The following SORCS2 variants were observed in gnomAD, a reference collection of about 807,000 sequenced individuals.
The protein encoded by SORCS2 is sortilin related VPS10 domain containing receptor 2.
A neutral mutation model predicts 141.6 loss-of-function variants in SORCS2; 100 were observed. That is an observed-to-expected ratio of 0.71 (90% CI 0.60 to 0.83). The LOEUF (loss-of-function observed/expected upper bound fraction) is 0.83. Among genes scored for constraint, SORCS2 ranks in the 40% least tolerant of loss-of-function variants. SORCS2 has a pLI of 0.00. For synonymous variants in SORCS2, 789 were observed against 676.9 expected (o/e 1.17, Z -2.57); for missense variants, 1,646 against 1,560.2 (o/e 1.05, Z -0.93).
chr4:7,218,039 GC>G (rs1369140142), intron 1 of SORCS2, among the ~76,000 whole-genome samples: 2 of 152,174 alleles, frequency 1.3e-5, no homozygotes, highest in Non-Finnish European at 2.9e-5. Flanking sequence ...GGCGGGGGGT[GC>G]TCTTCATGCA....
At chr4:7,547,141 A>T (rs955475874) in intron 3 of SORCS2, among the ~76,000 whole-genome samples, 2 of 152,158 alleles carry the variant, frequency 1.3e-5, no homozygotes, top group African/African-American at 4.8e-5. Flanking sequence ...GAACAGTGCC[A>T]CATCTACATG....
chr4:7,513,448 C>G (rs557313394), intron 2 of SORCS2, among the ~76,000 whole-genome samples: 1 of 152,218 alleles, frequency 6.6e-6, no homozygotes, highest in African/African-American at 2.4e-5. Context: ...TAGGATTCAC[C>G]TGCAGCCCAG....
At chr4:7,618,180 C>G (rs949011738) in intron 3 of SORCS2, among the ~76,000 whole-genome samples, 2 of 152,170 alleles carry the variant, frequency 1.3e-5, no homozygotes, top group Non-Finnish European at 2.9e-5. Flanking sequence ...AGGCTCCTCT[C>G]AGGAAGTGGT....
At chr4:7,500,271 G>A (rs959293232) in intron 2 of SORCS2, among the ~76,000 whole-genome samples, 7 of 151,856 alleles carry the variant, frequency 4.6e-5, no homozygotes, top group African/African-American at 1.5e-4. Context: ...GAGGAGCCCC[G>A]AGCAGTGGTG....
intron 1 of SORCS2, among the ~76,000 whole-genome samples, chr4:7,297,416 C>G (rs1717150298): frequency 6.6e-6 from 1 of 152,034 alleles, no homozygotes; most frequent in African/African-American, 2.4e-5. Flanking sequence ...CCGCCCCTCC[C>G]CCACCCCCAC....
At chr4:7,585,040 C>A (rs1716444912) in intron 3 of SORCS2, among the ~76,000 whole-genome samples, 1 of 152,106 alleles carries the variant, frequency 6.6e-6, no homozygotes, top group Admixed American at 6.5e-5. Context: ...AAAGAGCAGC[C>A]GTTCTGTCTG....
At chr4:7,605,441 C>T (rs1370511283) in intron 3 of SORCS2, among the ~76,000 whole-genome samples, 3 of 152,300 alleles carry the variant, frequency 2.0e-5, no homozygotes, top group East Asian at 1.9e-4. Context: ...CCACCTGCTA[C>T]TCCAGGGGTG....
intron 3 of SORCS2, among the ~76,000 whole-genome samples, chr4:7,612,486 C>G (rs962526446): frequency 6.6e-6 from 1 of 152,132 alleles, no homozygotes; most frequent in Non-Finnish European, 1.5e-5. Context: ...CCTGAGTCAC[C>G]GGTAACACTA....
In SORCS2 at chr4:7,648,665, C is replaced by T. The variant is rs1721242910; in HGVS notation, c.814-5469C>T. On this transcript the variant is annotated intron_variant, in intron 4 of 26. Coordinates refer to ENST00000507866, the MANE Select transcript of SORCS2 (RefSeq NM_020777.3). The surrounding 1 kb of genome is among the most constrained non-coding windows in gnomAD (Gnocchi z 4.2). ...GGCGGGCGGGGAGTGAGGGGGCTGCCAAGCGGCTTGGCCTCTGCATGGTTG... is the reference window on the plus strand; with the variant it reads ...GGCGGGCGGGGAGTGAGGGGGCTGCTAAGCGGCTTGGCCTCTGCATGGTTG... 6.6e-6 allele frequency among the ~76,000 whole-genome samples: 1 copy of T among 152,094 alleles called. No individual in the cohort carries two copies. Among genetic ancestry groups the T allele is most frequent in the Non-Finnish European group, 1.5e-5 (1 of 67,998 alleles).
intron 1 of SORCS2, among the ~76,000 whole-genome samples, chr4:7,324,913 C>T (rs1047513440): frequency 1.3e-5 from 2 of 152,186 alleles, no homozygotes; most frequent in African/African-American, 4.8e-5. Flanking sequence ...CTGGTTGAGC[C>T]CACAGAAGCT....
chr4:7,723,595 G>A (rs781569885), intron 18 of SORCS2, 102 bp from the exon 19 acceptor site: 192 of 1,306,986 alleles, frequency 1.5e-4, no homozygotes, highest in Admixed American at 3.1e-4. Flanking sequence ...AAGGGAGGGC[G>A]GCAATGAATG....
chr4:7,196,426 G>A (rs1449886098), intron 1 of SORCS2, among the ~76,000 whole-genome samples: 1 of 152,068 alleles, frequency 6.6e-6, no homozygotes, highest in East Asian at 1.9e-4. Flanking sequence ...TAATGTTTCT[G>A]GGAAATCGTG....
chr4:7,216,718 G>C (rs1728374788), intron 1 of SORCS2, among the ~76,000 whole-genome samples: 2 of 152,090 alleles, frequency 1.3e-5, no homozygotes, highest in African/African-American at 4.8e-5. Context: ...AGGGCCACCA[G>C]ACAATACAGG....
chr4:7,458,833 G>C (rs1465291467), intron 2 of SORCS2, among the ~76,000 whole-genome samples: 1 of 152,108 alleles, frequency 6.6e-6, no homozygotes, highest in Non-Finnish European at 1.5e-5. Context: ...GAGTCTTCTT[G>C]GTGGAGGCAA....
chr4:7,287,891 G>C (rs568801539), intron 1 of SORCS2, among the ~76,000 whole-genome samples: 3 of 152,204 alleles, frequency 2.0e-5, no homozygotes, highest in Admixed American at 2.0e-4. Context: ...ACAGTTTTCT[G>C]GTTTGGAGAA....
At chr4:7,659,034 G>A (rs73794359) in intron 5 of SORCS2, among the ~76,000 whole-genome samples, 5,001 of 152,230 alleles carry the variant, frequency 0.033, 266 homozygotes, top group African/African-American at 0.11. Flanking sequence ...ATGGATAAGC[G>A]GCTTTAACAG....
intron 1 of SORCS2, among the ~76,000 whole-genome samples, chr4:7,237,608 A>G (rs527735810): frequency 3.2e-4 from 49 of 152,278 alleles, no homozygotes; most frequent in Non-Finnish European, 5.7e-4. Context: ...AGCTTGCTGC[A>G]ACGGGTGCCT....
chr4:7,328,098 T>C (rs1057162461), intron 1 of SORCS2, among the ~76,000 whole-genome samples: 24 of 142,446 alleles, frequency 1.7e-4, no homozygotes, highest in Admixed American at 7.4e-5. Context: ...TGATCTCAGC[T>C]CACTTCAACC....
At chr4:7,391,991 C>T (rs903443572) in intron 1 of SORCS2, among the ~76,000 whole-genome samples, 1 of 152,214 alleles carries the variant, frequency 6.6e-6, no homozygotes, top group African/African-American at 2.4e-5. Flanking sequence ...CGGACCGGCC[C>T]TGTTATTTAC....
Sources: gnomAD v4.1 joint callset for allele counts (sites outside exome capture counted in the v4.1 genomes callset) on GRCh38, gnomAD v4.1.1 for gene constraint, Gnocchi (gnomAD v3.1) non-coding constraint, MANE v1.5 for transcripts, NCBI Gene and HGNC (gene_info 2026-07-23, HGNC 2026-07-21) for gene names.